The following MYO9A variants were observed in gnomAD, a reference collection of about 807,000 sequenced individuals.
The protein encoded by MYO9A is unconventional myosin-IXa.
MYO9A carries 103 observed loss-of-function variants against 293.3 expected under a neutral mutation model. The ratio of observed to expected loss-of-function variants is 0.35; its 90% CI spans 0.30 to 0.41. MYO9A has a LOEUF of 0.41. MYO9A is among the 10% of genes least tolerant of loss of function. MYO9A has a pLI of 1.00. For synonymous variants in MYO9A, 1,001 were observed against 1,035.7 expected (o/e 0.97, Z 0.64); for missense variants, 2,685 against 3,033.0 (o/e 0.89, Z 2.69).
intron 8 of MYO9A, among the ~76,000 whole-genome samples, chr15:72,005,599 G>A: frequency 6.6e-6 from 1 of 152,136 alleles, no homozygotes; most frequent in Non-Finnish European, 1.5e-5. Flanking sequence ...TTTCCAGTAA[G>A]TCTAGTTCCA....
At chr15:72,075,088 C>T (rs1333276179) in intron 1 of MYO9A, among the ~76,000 whole-genome samples, 1 of 151,214 alleles carries the variant, frequency 6.6e-6, no homozygotes, top group Non-Finnish European at 1.5e-5. Context: ...CCTCAGCCTA[C>T]CAAGCAGCTG....
intron 12 of MYO9A, among the ~76,000 whole-genome samples, chr15:71,970,076 C>T (rs1596302919): frequency 6.6e-6 from 1 of 152,158 alleles, no homozygotes; most frequent in East Asian, 1.9e-4. Flanking sequence ...AATGAATGCT[C>T]TAATCCTAAC....
intron 1 of MYO9A, among the ~76,000 whole-genome samples, chr15:72,097,586 T>A (rs1306463236): frequency 6.6e-6 from 1 of 152,154 alleles, no homozygotes. Flanking sequence ...TGAACTTAAA[T>A]ATATCAGAAG....
At chr15:72,106,499 A>G (rs1462071447) in intron 1 of MYO9A, among the ~76,000 whole-genome samples, 1 of 152,166 alleles carries the variant, frequency 6.6e-6, no homozygotes, top group East Asian at 1.9e-4. Context: ...GCAAGACCTC[A>G]TCTCTAAAAA....
intron 1 of MYO9A, among the ~76,000 whole-genome samples, chr15:72,080,307 C>CTTTT (rs374292426): frequency 2.4e-5 from 3 of 127,376 alleles, no homozygotes; most frequent in Non-Finnish European, 3.3e-5. Flanking sequence ...CCATGCTTCT[C>CTTTT]TTTTTTTTTT....
At chr15:72,040,746 A>G (rs2078204069) in intron 2 of MYO9A, among the ~76,000 whole-genome samples, 1 of 152,204 alleles carries the variant, frequency 6.6e-6, no homozygotes, top group South Asian at 2.1e-4. Context: ...CAATGATTAT[A>G]TAATTATGGC....
chr15:71,854,069 T>C (rs570147266), intron 35 of MYO9A, among the ~76,000 whole-genome samples: 7 of 152,350 alleles, frequency 4.6e-5, no homozygotes, highest in South Asian at 4.1e-4. Flanking sequence ...CAGCTCATTA[T>C]TTAATTTCCC....
chr15:71,879,602 C>CA, intron 30 of MYO9A, 119 bp downstream of exon 30: 1 of 705,844 alleles, frequency 1.4e-6, no homozygotes, highest in Non-Finnish European at 2.3e-6. Flanking sequence ...ATCCCTAAAA[C>CA]AAAAACAAGG....
rs778821843 is a variant in MYO9A, at chr15:71,879,774, C to T, written c.5686G>A (p.Ala1896Thr). 1 of 1,613,800 alleles carries T rather than the reference C, an allele frequency of 6.2e-7. No individual in the cohort carries two copies. Among genetic ancestry groups the T allele is most frequent in the Non-Finnish European group, 8.5e-7 (1 of 1,179,858 alleles). Reference protein sequence around the residue: ...DTLVDVVFKKALKEFRQNIFS... With the variant: ...DTLVDVVFKKTLKEFRQNIFS... Reference sequence around the variant, plus strand: ...ATATTCTGCCGAAATTCCTTCAGGGCTTTTTTAAATACAACATCCACTAGT... The same window carrying T: ...ATATTCTGCCGAAATTCCTTCAGGGTTTTTTTAAATACAACATCCACTAGT... The change falls in exon 30 of 42, where the codon GCC becomes ACC. Residue 1896 changes from alanine (A) to threonine (T), a missense_variant. Coordinates refer to ENST00000356056, the MANE Select transcript of MYO9A (RefSeq NM_006901.4).
intron 13 of MYO9A, among the ~76,000 whole-genome samples, chr15:71,964,319 T>C (rs2075816913): frequency 6.6e-6 from 1 of 152,174 alleles, no homozygotes. Context: ...GAGTGTGATT[T>C]CTCTTTTCCT....
rs1555457028 is a variant in MYO9A at position 71,826,489 on chromosome 15, T to C, written c.*91A>G. The C allele has an allele frequency of 8.1e-6, 10 of 1,229,240 alleles. No individual in the cohort carries two copies. Among genetic ancestry groups the C allele is most frequent in the Middle Eastern group, 5.7e-4 (2 of 3,502 alleles). 76.1% of individuals were successfully genotyped at this position (1,229,240 alleles called of 1,614,324 possible). On this transcript the variant is annotated 3_prime_UTR_variant, in exon 42 of 42. Coordinates refer to ENST00000356056, the MANE Select transcript of MYO9A (RefSeq NM_006901.4). The stretch of plus-strand genomic sequence containing the variant: ...AAAAGAGGCAGGACCACAATTAGGA[T>C]TGACTATTGTGGACGAGGTGATGAA...
intron 18 of MYO9A, among the ~76,000 whole-genome samples, chr15:71,931,460 A>G (rs1229895550): frequency 2.6e-5 from 4 of 152,184 alleles, no homozygotes; most frequent in African/African-American, 9.7e-5. Flanking sequence ...AAATCTGATG[A>G]TAGTCTTGTG....
At chr15:72,078,015 A>G (rs538980688) in intron 1 of MYO9A, among the ~76,000 whole-genome samples, 1 of 152,214 alleles carries the variant, frequency 6.6e-6, no homozygotes, top group South Asian at 2.1e-4. Context: ...TTCTGAAACA[A>G]TGACAAAACC....
chr15:72,060,094 AT>A (rs1241224822), intron 1 of MYO9A, among the ~76,000 whole-genome samples: 3 of 152,228 alleles, frequency 2.0e-5, no homozygotes, highest in South Asian at 2.1e-4. Context: ...TTTTGAACTG[AT>A]TTTTTTGTAC....
chr15:71,859,557 A>AT (rs1387410767), intron 34 of MYO9A, among the ~76,000 whole-genome samples, 178 bp downstream of exon 34: 7 of 152,226 alleles, frequency 4.6e-5, no homozygotes, highest in Admixed American at 3.3e-4. Context: ...TTTTGTACAT[A>AT]TATCACCAAA....
rs1445314436 is a variant in MYO9A, at chr15:72,054,431, G to C, written c.-71-7797C>G. On this transcript the variant is annotated intron_variant, in intron 1 of 41. Coordinates refer to ENST00000356056, the MANE Select transcript of MYO9A (RefSeq NM_006901.4). ...TTCACATCTGTAATCCCAGCACTCT[G>C]GGGGGCCGAGGCGGGCGAATCACAA... Among the ~76,000 whole-genome samples, 5 of 152,142 alleles carry C rather than the reference G, an allele frequency of 3.3e-5. No individual in the cohort carries two copies. In the East Asian group the frequency reaches 9.6e-4, roughly 29 times the overall value.
At chr15:71,998,669 T>C (rs1008761913) in intron 9 of MYO9A, among the ~76,000 whole-genome samples, 2 of 151,638 alleles carry the variant, frequency 1.3e-5, no homozygotes, top group African/African-American at 4.9e-5. Context: ...TGCTGGCGTG[T>C]TGCACCCATT....
At chr15:71,893,343 G>C (rs2057232544) in intron 26 of MYO9A, 2 of 452,472 alleles carry the variant, frequency 4.4e-6, no homozygotes, top group East Asian at 6.5e-5. Context: ...TGACCAAAAG[G>C]AATCTGTATA....
At position 71,855,397 on chromosome 15, in the gene MYO9A, A is replaced by G. The variant is rs573921937; in HGVS notation, c.6154-828T>C. ...GTGATCTGCCCGCCTTGGCCTTCCA[A>G]AGTGCTGGGATTACAGGCATGAACC... On this transcript the variant is annotated intron_variant, in intron 34 of 41. Coordinates refer to ENST00000356056, the MANE Select transcript of MYO9A (RefSeq NM_006901.4). Among the ~76,000 whole-genome samples, 66 of 152,286 alleles carry G rather than the reference A, an allele frequency of 4.3e-4. 2 individuals carry two copies. The Middle Eastern group carries it at 0.014, about 31-fold the overall frequency.
Sources: gnomAD v4.1 joint callset for allele counts (sites outside exome capture counted in the v4.1 genomes callset) on GRCh38, gnomAD v4.1.1 for gene constraint, MANE v1.5 for transcripts, NCBI Gene and HGNC (gene_info 2026-07-23, HGNC 2026-07-21) for gene names.